Variants in ADCYAP1 observed in about 807,000 individuals in gnomAD.
ADCYAP1 encodes the protein adenylate cyclase activating polypeptide 1, also known as pituitary adenylate cyclase-activating polypeptide.
Under a neutral mutation model 18.5 loss-of-function variants are expected in ADCYAP1, and 6 were observed. The ratio of observed to expected loss-of-function variants is 0.32; its 90% confidence interval spans 0.18 to 0.64. The LOEUF (loss-of-function observed/expected upper bound fraction) is 0.64. Among genes scored for constraint, ADCYAP1 ranks in the 30% least tolerant of loss-of-function variants. ADCYAP1 has a pLI of 0.77. For synonymous variants in ADCYAP1, 136 were observed against 113.9 expected, an observed-to-expected ratio of 1.19 and a Z score of -1.24; for missense variants, 314 against 253.6, an observed-to-expected ratio of 1.24 and a Z score of -1.62.
chr18:905,223 A>C (rs1909116772), intron 1 of ADCYAP1, 163 bp downstream of exon 1: 1 of 1,457,036 alleles, frequency 6.9e-7, no homozygotes. Context: ...TATAGCAAGC[A>C]AGAAGTGGCA....
chr18:905,694 GA>G (rs1229188399), intron 2 of ADCYAP1, 198 bp downstream of exon 2: 2 of 662,628 alleles, frequency 3.0e-6, no homozygotes, highest in Non-Finnish European at 5.0e-6. Flanking sequence ...CGACTGCTCG[GA>G]CGCCTCCCCC....
Position 907,761 on chromosome 18 carries a change from C to A in ADCYAP1, c.213C>A (p.Ala71=), listed in dbSNP as rs78094828. ...AGSPASAPRA[A]AAWYRPAGRR... is the part of the protein sequence containing the mutation. ...GCCCCGCCTCCGCGCCGCGCGCCGC[C>A]GCCGCCTGGTACCGCCCGGCCGGGA... The change falls in exon 3 of 5, where the codon GCC becomes GCA. Residue 71 remains alanine (A), a synonymous_variant. Coordinates refer to ENST00000450565, the MANE Select transcript of ADCYAP1 (RefSeq NM_001099733.2). The A allele has an allele frequency of 6.0e-6, 9 of 1,497,210 alleles. No homozygotes were observed. The East Asian group carries it at 1.6e-4, about 26-fold the overall frequency. The allele number at this position is 1,497,210 out of a possible 1,614,324, so 92.7% of individuals were successfully genotyped here. A position where few individuals can be genotyped will look rare whatever the true frequency, so the allele number is the denominator to read the frequency against.
chr18:909,775 T>A lies in ADCYAP1; in HGVS notation c.*140T>A. The A allele has an allele frequency of 3.1e-6, 2 of 655,150 alleles. No homozygotes were observed. Among genetic ancestry groups the A allele is most frequent in the Non-Finnish European group, 4.7e-6 (2 of 424,218 alleles). The allele number at this position is 655,150 out of a possible 1,614,324, so 40.6% of individuals were successfully genotyped here. On this transcript the variant is annotated 3_prime_UTR_variant, in exon 5 of 5. Coordinates refer to ENST00000450565, the MANE Select transcript of ADCYAP1 (RefSeq NM_001099733.2). ...GAAGTAAAGCCATTAAATGAATATT[T>A]TGATAATAATATTGTTTTTCTTTCT...
intron 3 of ADCYAP1, 180 bp from the exon 4 acceptor site, chr18:908,085 C>T: frequency 3.0e-6 from 2 of 671,170 alleles, no homozygotes; most frequent in Non-Finnish European, 4.9e-6. Context: ...GGACTAGCTC[C>T]CGATCCTAGC....
At chr18:908,988 T>A (rs1219429635) in intron 4 of ADCYAP1, among the ~76,000 whole-genome samples, 1 of 151,352 alleles carries the variant, frequency 6.6e-6, no homozygotes, top group Non-Finnish European at 1.5e-5. Flanking sequence ...GGGAGAGGAG[T>A]GTTCATATTT....
At chr18:905,207 T>A in intron 1 of ADCYAP1, 147 bp downstream of exon 1, 1 of 1,429,208 alleles carries the variant, frequency 7.0e-7, no homozygotes, top group Non-Finnish European at 9.1e-7. Context: ...TATATTTTTT[T>A]CTAACTATAG....
In ADCYAP1 at chr18:911,379, T is replaced by C; in HGVS notation, c.*1744T>C. 1 of 149,820 alleles carries C rather than the reference T, an allele frequency of 6.7e-6. No individual in the cohort carries two copies. The highest frequency in any genetic ancestry group is 2.4e-5 in the African/African-American group (1 of 40,844). 9.3% of individuals were successfully genotyped at this position (149,820 alleles called of 1,614,324 possible). ...AATTTCAGGCACAAGTTTATTTATTTATTTTTTTATGTTTTGAAAAAAGAA... is the reference window on the plus strand; with the variant it reads ...AATTTCAGGCACAAGTTTATTTATTCATTTTTTTATGTTTTGAAAAAAGAA... On this transcript the variant is annotated 3_prime_UTR_variant, in exon 5 of 5. Coordinates refer to ENST00000450565, the MANE Select transcript of ADCYAP1 (RefSeq NM_001099733.2).
rs1464993525 is a variant in ADCYAP1, at chr18:907,769, G to C, written c.221G>C (p.Trp74Ser). ...PASAPRAAAAWYRPAGRRDVA... is the reference protein window; with the variant it reads ...PASAPRAAAASYRPAGRRDVA... ...TCCGCGCCGCGCGCCGCCGCCGCCT[G>C]GTACCGCCCGGCCGGGAGAAGGTGA... is the stretch of plus-strand genomic sequence containing the variant. The change falls in exon 3 of 5, where the codon TGG becomes TCG. Residue 74 changes from tryptophan (W) to serine (S), a missense_variant. Transcript: ENST00000450565. 1.4e-6 allele frequency: 2 copies of C among 1,454,392 alleles called. No homozygotes were observed. Among genetic ancestry groups the C allele is most frequent in the African/African-American group, 1.5e-5 (1 of 67,362 alleles). 90.1% of individuals were successfully genotyped at this position (1,454,392 alleles called of 1,614,324 possible).
chr18:908,666 T>A (rs1288076217), intron 4 of ADCYAP1, among the ~76,000 whole-genome samples: 1 of 151,806 alleles, frequency 6.6e-6, no homozygotes, highest in African/African-American at 2.4e-5. Context: ...TCCAGGGAGG[T>A]TTTGCTATAA....
upstream of ADCYAP1, chr18:904,837 C>A: frequency 7.8e-7 from 1 of 1,286,398 alleles, no homozygotes; most frequent in Non-Finnish European, 1.0e-6. Flanking sequence ...TGTCACGCTC[C>A]CTCCTGGTTC....
chr18:908,462 G>A, intron 4 of ADCYAP1, 99 bp downstream of exon 4: 2 of 986,778 alleles, frequency 2.0e-6, no homozygotes, highest in Non-Finnish European at 3.0e-6. Flanking sequence ...GGGCCAGGGT[G>A]AGTCTGCGCC....
In ADCYAP1 at chr18:905,612, C is replaced by T. The variant is rs559482442; in HGVS notation, c.110+116C>T. 3.1e-5 allele frequency: 38 copies of T among 1,231,072 alleles called. No individual in the cohort carries two copies. The East Asian group carries it at 7.8e-4, about 25-fold the overall frequency. The allele number at this position is 1,231,072 out of a possible 1,614,324, so 76.3% of individuals were successfully genotyped here. Reference sequence around the variant, plus strand: ...CAGACTACTAGCATCGCCCTCTGCGCCCCCGGTGCGCCTCCGCCAGCCTCG... The same window carrying T: ...CAGACTACTAGCATCGCCCTCTGCGTCCCCGGTGCGCCTCCGCCAGCCTCG... On this transcript the variant is annotated intron_variant, in intron 2 of 4. Coordinates refer to ENST00000450565, the MANE Select transcript of ADCYAP1 (RefSeq NM_001099733.2).
rs940629246 is a variant in ADCYAP1, at chr18:911,957, T to C, written c.*2322T>C. 4 of 152,210 alleles carry C rather than the reference T, an allele frequency of 2.6e-5. No homozygotes were observed. Among genetic ancestry groups the C allele is most frequent in the Admixed American group, 2.0e-4 (3 of 15,282 alleles). The allele number at this position is 152,210 out of a possible 1,614,324, so 9.4% of individuals were successfully genotyped here. A position where few individuals can be genotyped will look rare whatever the true frequency, so the allele number is the denominator to read the frequency against. ...CCAGTTTAATCTTTTGTATACTTTT[T>C]AGAAATGCCAAGAGCCTTACTAAAC... On this transcript the variant is annotated 3_prime_UTR_variant, in exon 5 of 5. Coordinates refer to ENST00000450565, the MANE Select transcript of ADCYAP1 (RefSeq NM_001099733.2).
In ADCYAP1 at chr18:909,464, C is replaced by A. The variant is rs367797970; in HGVS notation, c.360C>A (p.Gly120=). 18 of 1,611,840 alleles carry A rather than the reference C, an allele frequency of 1.1e-5. No homozygotes were observed. In the African/African-American group the frequency reaches 1.3e-4, roughly 12 times the overall value. The change falls in exon 5 of 5, where the codon GGC becomes GGA. Residue 120 remains glycine, a synonymous_variant. Transcript: ENST00000450565. The part of the protein sequence containing the change: ...ARGVGGSLGG[G]AGDDAEPLSK... ...CTTGCAGTGGGAGCCTCGGCGGCGG[C>A]GCGGGGGACGACGCGGAGCCGCTCT...
chr18:905,479 C>G lies in ADCYAP1; in HGVS notation c.93C>G (p.Leu31=), dbSNP rs35305428. The change falls in exon 2 of 5, where the codon CTC becomes CTG. Residue 31 remains leucine, a synonymous_variant. Transcript: ENST00000450565. ...SVYSSPAAAG[L]RFPGIRPEEE... ...ACAGCTCACCTGCCGCCGCCGGACT[C>G]CGGTTCCCCGGGATCAGGTAGGTGC... 338 of 1,608,108 alleles carry G rather than the reference C, an allele frequency of 2.1e-4. 1 individual carries two copies. The highest frequency in any genetic ancestry group is 1.0e-4 in the Admixed American group (6 of 60,002).
At chr18:905,625 T>A in intron 2 of ADCYAP1, 129 bp downstream of exon 2, 1 of 1,108,170 alleles carries the variant, frequency 9.0e-7, no homozygotes, top group Non-Finnish European at 1.3e-6. Flanking sequence ...CCGGTGCGCC[T>A]CCGCCAGCCT....
chr18:904,521 C>G, upstream of ADCYAP1: 1 of 1,289,138 alleles, frequency 7.8e-7, no homozygotes, highest in Non-Finnish European at 1.0e-6. Flanking sequence ...GAGCAGAAGG[C>G]CGGTCACCTC....
At chr18:907,206 C>T (rs1040036444) in intron 2 of ADCYAP1, among the ~76,000 whole-genome samples, 1 of 152,248 alleles carries the variant, frequency 6.6e-6, no homozygotes, top group Non-Finnish European at 1.5e-5. Context: ...CCGCACGCCC[C>T]ACGCATCCTC....
chr18:911,364 A>G lies in ADCYAP1; in HGVS notation c.*1729A>G, dbSNP rs1220435560. The G allele has an allele frequency of 2.7e-5, 3 of 109,762 alleles. No individual in the cohort carries two copies. The highest frequency in any genetic ancestry group is 3.8e-5 in the Non-Finnish European group (2 of 52,846). The allele number at this position is 109,762 out of a possible 1,614,324, so 6.8% of individuals were successfully genotyped here. The stretch of plus-strand genomic sequence containing the variant: ...CCAGCCAATCTCCCAAATTTCAGGC[A>G]CAAGTTTATTTATTTATTTTTTTAT... On this transcript the variant is annotated 3_prime_UTR_variant, in exon 5 of 5. Transcript: ENST00000450565.
Sources: allele counts gnomAD v4.1 joint callset (sites outside exome capture counted in the v4.1 genomes callset), GRCh38; gene constraint gnomAD v4.1.1; transcripts MANE v1.5; gene names NCBI Gene and HGNC (gene_info 2026-07-23, HGNC 2026-07-21).